Variants in RHAG observed in about 807,000 individuals in gnomAD.
RHAG encodes Rh associated glycoprotein, also known as ammonium transporter Rh type A.
Under a neutral mutation model 42.4 loss-of-function variants are expected in RHAG, and 25 were observed. The ratio of observed to expected loss-of-function variants is 0.59; its 90% CI spans 0.43 to 0.82. The LOEUF is 0.82. Ranked by LOEUF, RHAG falls within the 40% of genes least tolerant of loss-of-function variation. RHAG has a pLI of 0.00. For missense variants in RHAG, 483 were observed against 504.6 expected, an observed-to-expected ratio of 0.96 and a Z score of 0.41; for synonymous variants, 182 against 177.7, an observed-to-expected ratio of 1.02 and a Z score of -0.19.
At chr6:49,631,775 T>C (rs1034571956) in intron 1 of RHAG, 2 of 152,238 alleles carry the variant, frequency 1.3e-5, no homozygotes, top group Non-Finnish European at 2.9e-5. Context: ...TCACATCGGT[T>C]CTGCTAGAGA....
At chr6:49,622,936 C>A (rs1762788157) in intron 1 of RHAG, among the ~76,000 whole-genome samples, 1 of 150,712 alleles carries the variant, frequency 6.6e-6, no homozygotes, top group Non-Finnish European at 1.5e-5. Flanking sequence ...CCCGGGTTCA[C>A]GCCATTCTCC....
At chr6:49,624,830 C>T (rs375022793) in intron 1 of RHAG, among the ~76,000 whole-genome samples, 1 of 152,164 alleles carries the variant, frequency 6.6e-6, no homozygotes. Context: ...CATGTAGGAT[C>T]AATCTTCAGG....
At chr6:49,612,644 G>A in intron 5 of RHAG, 110 bp from the exon 6 acceptor site, 2 of 1,265,788 alleles carry the variant, frequency 1.6e-6, no homozygotes, top group South Asian at 1.3e-5. Context: ...CAGTTGAAAG[G>A]GCTATTGGTT....
rs1201520061 is a variant in RHAG at position 49,605,465 on chromosome 6, A to G, written c.*348T>C. 1 of 317,374 alleles carries G rather than the reference A, an allele frequency of 3.2e-6. No homozygotes were observed. Among genetic ancestry groups the G allele is most frequent in the Non-Finnish European group, 6.0e-6 (1 of 167,338 alleles). 19.7% of individuals were successfully genotyped at this position (317,374 alleles called of 1,614,324 possible). A position where few individuals can be genotyped will look rare whatever the true frequency, so the allele number is the denominator to read the frequency against. ...TTTTATAATTTTTGGGATTGAAGACATAGTGTCTACATTAAGAAACTGACA... is the reference window on the plus strand; with the variant it reads ...TTTTATAATTTTTGGGATTGAAGACGTAGTGTCTACATTAAGAAACTGACA... On this transcript the variant is annotated 3_prime_UTR_variant, in exon 10 of 10. Coordinates refer to ENST00000371175, the MANE Select transcript of RHAG (RefSeq NM_000324.3).
At chr6:49,628,173 G>GAC (rs1762872732) in intron 1 of RHAG, among the ~76,000 whole-genome samples, 1 of 151,680 alleles carries the variant, frequency 6.6e-6, no homozygotes, top group African/African-American at 2.4e-5. Context: ...GAGAGAGAGA[G>GAC]AGAGACAGGG....
Position 49,606,848 on chromosome 6 carries a change from C to T in RHAG, c.1212G>A (p.Lys404=). ...QNCYDDSVYW[K]VPKTR ...TCTTGTTTAGAATACTGTACAGTACCTTCCAATAAACAGAATCATCATAGC... is the reference window on the plus strand; with the variant it reads ...TCTTGTTTAGAATACTGTACAGTACTTTCCAATAAACAGAATCATCATAGC... The change falls in exon 9 of 10, where the codon AAG becomes AAA. Residue 404 remains lysine, a splice_region_variant and synonymous_variant. Coordinates refer to ENST00000371175, the MANE Select transcript of RHAG (RefSeq NM_000324.3). 3 of 1,594,192 alleles carry T rather than the reference C, an allele frequency of 1.9e-6. No individual in the cohort carries two copies. Among genetic ancestry groups the T allele is most frequent in the Non-Finnish European group, 2.6e-6 (3 of 1,162,026 alleles).
rs150459853 is a variant in RHAG at position 49,633,238 on chromosome 6, C to A, written c.157+3418G>T. Among the ~76,000 whole-genome samples, 35 of 152,256 alleles carry A rather than the reference C, an allele frequency of 2.3e-4. No individual in the cohort carries two copies. In the East Asian group the frequency reaches 6.4e-3, roughly 28 times the overall value. On this transcript the variant is annotated intron_variant, in intron 1 of 9. Coordinates refer to ENST00000371175, the MANE Select transcript of RHAG (RefSeq NM_000324.3). Reference sequence around the variant, plus strand: ...TACAATTGAGAACTATCATAATGTACTGTGAACTTCTTGGGGAGGAACCGA... The same window carrying A: ...TACAATTGAGAACTATCATAATGTAATGTGAACTTCTTGGGGAGGAACCGA...
At chr6:49,632,625 G>A (rs754168435) in intron 1 of RHAG, among the ~76,000 whole-genome samples, 11 of 152,098 alleles carry the variant, frequency 7.2e-5, no homozygotes, top group Non-Finnish European at 1.3e-4. Flanking sequence ...CAATGTAACA[G>A]TATTACAGTG....
intron 9 of RHAG, chr6:49,606,584 G>C: frequency 2.4e-6 from 1 of 414,534 alleles, no homozygotes; most frequent in Non-Finnish European, 4.2e-6. Context: ...TTTTACACTT[G>C]ACATCCCATT....
chr6:49,635,461 T>C lies in RHAG; in HGVS notation c.157+1195A>G, dbSNP rs373281891. ...CACATGCTTAGTGCTTAATAAAATA[T>C]GTACTAAATGAATAAATGGATGAAT... On this transcript the variant is annotated intron_variant, in intron 1 of 9. Transcript: ENST00000371175. Among the ~76,000 whole-genome samples, 3 of 152,308 alleles carry C rather than the reference T, an allele frequency of 2.0e-5. No individual in the cohort carries two copies. In the East Asian group the frequency reaches 5.8e-4, roughly 29 times the overall value.
At chr6:49,627,479 C>T (rs143906013) in intron 1 of RHAG, among the ~76,000 whole-genome samples, 201 of 152,324 alleles carry the variant, frequency 1.3e-3, no homozygotes, top group African/African-American at 4.3e-3. Flanking sequence ...CCCACACCTT[C>T]GTGTCTTCCT....
In RHAG at chr6:49,605,342, T is replaced by A. The variant is rs1581934096; in HGVS notation, c.*471A>T. 5.9e-6 allele frequency: 1 copy of A among 170,774 alleles called. No homozygotes were observed. Among genetic ancestry groups the A allele is most frequent in the East Asian group, 1.5e-4 (1 of 6,768 alleles). 10.6% of individuals were successfully genotyped at this position (170,774 alleles called of 1,614,324 possible). ...AGACTATTTTTAAAATAAAAAGCACTACCTAAAATCATCATATTACTACTT... is the reference window on the plus strand; with the variant it reads ...AGACTATTTTTAAAATAAAAAGCACAACCTAAAATCATCATATTACTACTT... On this transcript the variant is annotated 3_prime_UTR_variant, in exon 10 of 10. Transcript: ENST00000371175.
chr6:49,616,354 C>CAAAAA (rs34416373), intron 3 of RHAG, among the ~76,000 whole-genome samples: 38 of 108,726 alleles, frequency 3.5e-4, no homozygotes, highest in East Asian at 5.7e-4. Context: ...AATCTCAAAC[C>CAAAAA]AAAAAAAAAA....
intron 5 of RHAG, 46 bp from the exon 6 acceptor site, chr6:49,612,580 G>T (rs2127351183): frequency 6.2e-7 from 1 of 1,610,730 alleles, no homozygotes; most frequent in East Asian, 2.2e-5. Context: ...GGATGATGGA[G>T]AATTCAGAAG....
At chr6:49,607,054 C>G (rs1012994057) in intron 8 of RHAG, 96 bp downstream of exon 8, 1 of 1,291,664 alleles carries the variant, frequency 7.7e-7, no homozygotes, top group Non-Finnish European at 1.1e-6. Context: ...AAGTTTAGAA[C>G]ATTTTTGAAT....
chr6:49,627,800 T>C, intron 1 of RHAG, among the ~76,000 whole-genome samples: 1 of 151,898 alleles, frequency 6.6e-6, no homozygotes, highest in East Asian at 1.9e-4. Flanking sequence ...TATAAAACCA[T>C]CAGATCTTGT....
intron 1 of RHAG, 58 bp from the exon 2 acceptor site, chr6:49,619,420 A>C (rs1762715949): frequency 2.1e-6 from 3 of 1,447,694 alleles, no homozygotes. Flanking sequence ...AAAGTACTGC[A>C]TCATAGTATA....
At chr6:49,632,542 T>C (rs1400871635) in intron 1 of RHAG, among the ~76,000 whole-genome samples, 1 of 152,128 alleles carries the variant, frequency 6.6e-6, no homozygotes, top group Non-Finnish European at 1.5e-5. Context: ...TATTCTTTTT[T>C]ATGTTATATA....
At chr6:49,606,288 A>T (rs1774162548) in intron 9 of RHAG, among the ~76,000 whole-genome samples, 1 of 152,114 alleles carries the variant, frequency 6.6e-6, no homozygotes, top group Admixed American at 6.6e-5. Context: ...TTTTGTTTTT[A>T]ACCAAATAAA....
Sources: gnomAD v4.1 joint callset for allele counts (sites outside exome capture counted in the v4.1 genomes callset) on GRCh38, gnomAD v4.1.1 for gene constraint, MANE v1.5 for transcripts, NCBI Gene and HGNC (gene_info 2026-07-23, HGNC 2026-07-21) for gene names.